The following TMEM52B variants were observed in gnomAD, a reference collection of about 807,000 sequenced individuals.
TMEM52B encodes chromosome 12 open reading frame 59.
A neutral mutation model predicts 16.1 loss-of-function variants in TMEM52B; 11 were observed. That is an observed-to-expected ratio of 0.68 (90% CI 0.43 to 1.13). TMEM52B has a LOEUF of 1.13. Ranked by LOEUF, TMEM52B falls within the 50% of genes most tolerant of loss-of-function variation. The pLI, the probability that TMEM52B is intolerant of heterozygous loss-of-function variation, is 0.00. For missense variants in TMEM52B, 243 were observed against 230.4 expected, an observed-to-expected ratio of 1.05 and a Z score of -0.35; for synonymous variants, 101 against 93.8, an observed-to-expected ratio of 1.08 and a Z score of -0.45.
At chr12:10,175,988 T>C (rs1163731051), upstream of TMEM52B, among the ~76,000 whole-genome samples, 1 of 152,230 alleles carries the variant, frequency 6.6e-6, no homozygotes, top group Non-Finnish European at 1.5e-5. Context: ...TAAAACTCTA[T>C]GTACATGCAC....
intron 4 of TMEM52B, 121 bp downstream of exon 4, chr12:10,186,710 T>C (rs1011039670): frequency 2.8e-6 from 3 of 1,077,084 alleles, no homozygotes; most frequent in Non-Finnish European, 3.7e-6. Context: ...CACAATAATT[T>C]CCATTCCCAG....
chr12:10,182,556 G>T lies in TMEM52B; in HGVS notation c.61G>T (p.Gly21Trp). ...ACAATTTCTCTTTCTACAGCTTTCT[G>T]GGACGAGATGTGAGGAAAACTGTGG... ...SALLYFILLSGTRCEENCGNP... is the reference protein window; with the variant it reads ...SALLYFILLSWTRCEENCGNP... Residue 21 changes from glycine to tryptophan, a missense_variant, in exon 2 of 5, where the codon GGG (glycine) becomes TGG (tryptophan). Physicochemically the swap from Gly to Trp is radical, Grantham distance 184. Coordinates refer to ENST00000543484, the MANE Select transcript of TMEM52B (RefSeq NM_001384896.1). 6.5e-7 allele frequency: 1 copy of T among 1,535,338 alleles called. No homozygotes were observed. The highest frequency in any genetic ancestry group is 8.7e-7 in the Non-Finnish European group (1 of 1,146,384).
At chr12:10,185,516 C>T in intron 3 of TMEM52B, 148 bp downstream of exon 3, 1 of 666,456 alleles carries the variant, frequency 1.5e-6, no homozygotes, top group Non-Finnish European at 2.7e-6. Context: ...TTTCCTTTTT[C>T]AATACCATCT....
rs552056483 is a variant in TMEM52B at position 10,182,537 on chromosome 12, T to G, written c.55-13T>G. 7.4e-5 allele frequency: 114 copies of G among 1,534,714 alleles called. No homozygotes were observed. The African/African-American group carries it at 1.4e-3, about 19-fold the overall frequency. The stretch of plus-strand genomic sequence containing the variant: ...AACAATTTCCCTGTATAAGACAATT[T>G]CTCTTTCTACAGCTTTCTGGGACGA... On this transcript the variant is annotated splice_polypyrimidine_tract_variant and intron_variant, in intron 1 of 4. Coordinates refer to ENST00000543484, the MANE Select transcript of TMEM52B (RefSeq NM_001384896.1).
At chr12:10,175,543 T>A (rs1272973399), upstream of TMEM52B, 1 of 152,362 alleles carries the variant, frequency 6.6e-6, no homozygotes, top group South Asian at 2.1e-4. Flanking sequence ...GGTGATGTGT[T>A]ACACAGCATA....
At chr12:10,171,391 G>C (rs1948715334) in intron 1 of TMEM52B, among the ~76,000 whole-genome samples, 1 of 152,166 alleles carries the variant, frequency 6.6e-6, no homozygotes, top group Non-Finnish European at 1.5e-5. Flanking sequence ...TTTAATTACT[G>C]TATGGGTCAA....
upstream of TMEM52B, among the ~76,000 whole-genome samples, chr12:10,178,661 GAA>G (rs535223693): frequency 6.6e-6 from 1 of 151,646 alleles, no homozygotes; most frequent in African/African-American, 2.4e-5. Context: ...GAGAGAGAGA[GAA>G]AGAGAGAGAA....
upstream of TMEM52B, among the ~76,000 whole-genome samples, chr12:10,175,698 C>G (rs1005396139): frequency 3.3e-5 from 5 of 152,198 alleles, no homozygotes; most frequent in African/African-American, 1.2e-4. Flanking sequence ...GAAACACTTC[C>G]CAAGGGATCT....
chr12:10,179,845 T>A (rs1336676830), intron 1 of TMEM52B, among the ~76,000 whole-genome samples: 1 of 152,064 alleles, frequency 6.6e-6, no homozygotes, highest in Non-Finnish European at 1.5e-5. Flanking sequence ...GGGACAGAAA[T>A]TAGAGTGAGC....
At chr12:10,178,244 C>T (rs937024383), upstream of TMEM52B, among the ~76,000 whole-genome samples, 4 of 150,242 alleles carry the variant, frequency 2.7e-5, no homozygotes, top group South Asian at 2.2e-4. Context: ...AGGCCAGGCA[C>T]GGTGGCTCAC....
chr12:10,181,504 A>G (rs183141124), intron 1 of TMEM52B, among the ~76,000 whole-genome samples: 29 of 148,760 alleles, frequency 1.9e-4, no homozygotes, highest in African/African-American at 6.4e-4. Flanking sequence ...TAATTTTTGT[A>G]TTTTTCGTAG....
chr12:10,176,419 T>C (rs1948766051), upstream of TMEM52B, among the ~76,000 whole-genome samples: 1 of 152,182 alleles, frequency 6.6e-6, no homozygotes, highest in Non-Finnish European at 1.5e-5. Flanking sequence ...AAAAAGATGA[T>C]GGCAATTACG....
intron 2 of TMEM52B, among the ~76,000 whole-genome samples, chr12:10,184,239 A>G (rs1948854770): frequency 6.6e-6 from 1 of 152,172 alleles, no homozygotes. Flanking sequence ...GCTTTGCTCT[A>G]CGCATCTCTT....
intron 3 of TMEM52B, 121 bp downstream of exon 3, chr12:10,185,489 G>A: frequency 2.7e-6 from 2 of 740,542 alleles, no homozygotes; most frequent in Non-Finnish European, 4.8e-6. Flanking sequence ...CACTACCTAT[G>A]TGACAATATG....
intron 2 of TMEM52B, among the ~76,000 whole-genome samples, chr12:10,184,288 A>G (rs73262629): frequency 0.018 from 2,743 of 152,216 alleles, 77 homozygotes; most frequent in African/African-American, 0.063. Flanking sequence ...AATAAACTGT[A>G]GATGTAAGTA....
chr12:10,186,294 A>G, intron 3 of TMEM52B, 126 bp from the exon 4 acceptor site: 1 of 609,266 alleles, frequency 1.6e-6, no homozygotes, highest in East Asian at 4.1e-5. Context: ...ATAAATTAAA[A>G]TATTTATAAT....
chr12:10,176,050 T>G (rs1948763342), upstream of TMEM52B, among the ~76,000 whole-genome samples: 1 of 152,226 alleles, frequency 6.6e-6, no homozygotes, highest in Non-Finnish European at 1.5e-5. Context: ...AAGCTAATGA[T>G]TCACAAGCTT....
chr12:10,182,958 A>G (rs1184086349), intron 2 of TMEM52B, among the ~76,000 whole-genome samples: 1 of 152,178 alleles, frequency 6.6e-6, no homozygotes. Context: ...GTGATTTCCA[A>G]AGTAACATTA....
chr12:10,179,491 CAAG>C lies in TMEM52B; in HGVS notation c.-80_-78del, dbSNP rs1948797104. The C allele has an allele frequency of 6.9e-7, 1 of 1,449,304 alleles. No individual in the cohort carries two copies. The highest frequency in any genetic ancestry group is 1.4e-5 in the African/African-American group (1 of 71,804). The allele number at this position is 1,449,304 out of a possible 1,614,324, so 89.8% of individuals were successfully genotyped here. ...GTTTCTCTTCTTAAGAATTCTAGGTCAAGAAGTAAAATATGGCACAGAGCATTG... is the reference window on the plus strand; with the variant it reads ...GTTTCTCTTCTTAAGAATTCTAGGTCAAGTAAAATATGGCACAGAGCATTG... On this transcript the variant is annotated 5_prime_UTR_variant, in exon 1 of 5. Transcript: ENST00000543484.
Sources: gnomAD v4.1 joint callset for allele counts (sites outside exome capture counted in the v4.1 genomes callset) on GRCh38, gnomAD v4.1.1 for gene constraint, MANE v1.5 for transcripts, NCBI Gene and HGNC (gene_info 2026-07-23, HGNC 2026-07-21) for gene names.